Variants in MCUB observed in about 807,000 individuals in gnomAD.
The protein encoded by MCUB is mitochondrial calcium uniporter dominant negative subunit beta, also known as calcium uniporter regulatory subunit MCUb, mitochondrial.
In MCUB, 46 loss-of-function variants were observed where a neutral mutation model predicts 41.4. The ratio of observed to expected loss-of-function variants is 1.11; its 90% CI spans 0.88 to 1.42. The LOEUF is 1.42. Among genes scored for constraint, MCUB ranks in the 40% most tolerant of loss-of-function variants. The probability of loss-of-function intolerance (pLI) is 0.00; values close to 1 mark genes in which losing one functional copy is unlikely to be tolerated. For missense variants in MCUB, 403 were observed against 404.9 expected, an observed-to-expected ratio of 1.00 and a Z score of 0.04; for synonymous variants, 148 against 148.2, an observed-to-expected ratio of 1.00 and a Z score of 0.01.
intron 1 of MCUB, among the ~76,000 whole-genome samples, chr4:109,601,606 G>C (rs1055338602): frequency 9.9e-5 from 15 of 152,004 alleles, no homozygotes; most frequent in African/African-American, 3.6e-4. Context: ...GTTCTGCTGT[G>C]TATATATACC....
intron 1 of MCUB, among the ~76,000 whole-genome samples, chr4:109,615,131 CT>C (rs1465503490): frequency 6.6e-6 from 1 of 152,160 alleles, no homozygotes; most frequent in Non-Finnish European, 1.5e-5. Context: ...TCTTTTCCCC[CT>C]GGAAGGAACT....
chr4:109,566,477 A>T (rs57468441), intron 1 of MCUB, among the ~76,000 whole-genome samples: 1 of 147,790 alleles, frequency 6.8e-6, no homozygotes, highest in Non-Finnish European at 1.5e-5. Context: ...CTCAAAAAAA[A>T]AAAAATAAAT....
At chr4:109,618,023 T>C (rs1728167963) in intron 1 of MCUB, among the ~76,000 whole-genome samples, 1 of 152,202 alleles carries the variant, frequency 6.6e-6, no homozygotes, top group Non-Finnish European at 1.5e-5. Flanking sequence ...CACCTCTGAT[T>C]TCATTTGTAA....
intron 1 of MCUB, among the ~76,000 whole-genome samples, chr4:109,603,965 GAA>G (rs1478450300): frequency 2.0e-5 from 3 of 152,208 alleles, no homozygotes; most frequent in Non-Finnish European, 4.4e-5. Flanking sequence ...GTGGGGAAAA[GAA>G]AGAGAGATCA....
chr4:109,567,552 T>G (rs1726811341), intron 1 of MCUB, among the ~76,000 whole-genome samples: 17 of 135,774 alleles, frequency 1.3e-4, no homozygotes, highest in Admixed American at 4.0e-4. Flanking sequence ...CACGTGCCTG[T>G]AATCCCACCA....
intron 1 of MCUB, among the ~76,000 whole-genome samples, chr4:109,599,740 C>T (rs796617280): frequency 9.9e-5 from 15 of 152,130 alleles, no homozygotes; most frequent in African/African-American, 3.4e-4. Context: ...ACAATCTTGG[C>T]TCACTGCAAC....
intron 1 of MCUB, among the ~76,000 whole-genome samples, chr4:109,597,580 C>G (rs201772489): frequency 3.3e-5 from 3 of 91,634 alleles, no homozygotes; most frequent in Non-Finnish European, 5.0e-5. Flanking sequence ...CCAGTAGGGG[C>G]GGCCGGGCAG....
intron 3 of MCUB, among the ~76,000 whole-genome samples, chr4:109,660,808 C>G (rs989436733): frequency 2.0e-5 from 3 of 150,926 alleles, no homozygotes; most frequent in Non-Finnish European, 4.4e-5. Context: ...AGGAGTGAAA[C>G]TCCATCCCAA....
chr4:109,654,996 C>A (rs1729058211), intron 1 of MCUB, among the ~76,000 whole-genome samples: 1 of 152,136 alleles, frequency 6.6e-6, no homozygotes, highest in Non-Finnish European at 1.5e-5. Flanking sequence ...ACTTAAGATG[C>A]CAATTATAAG....
intron 1 of MCUB, among the ~76,000 whole-genome samples, chr4:109,578,682 A>AT (rs1045976735): frequency 4.0e-5 from 6 of 151,892 alleles, no homozygotes; most frequent in African/African-American, 1.5e-4. Context: ...CTTTTTTTAA[A>AT]TTTTTTGTAG....
At chr4:109,633,898 A>T (rs931154945) in intron 1 of MCUB, among the ~76,000 whole-genome samples, 7 of 141,498 alleles carry the variant, frequency 4.9e-5, no homozygotes, top group Admixed American at 3.8e-4. Context: ...GCCCATGTAC[A>T]GCTTTTCTTC....
intron 1 of MCUB, among the ~76,000 whole-genome samples, chr4:109,607,109 C>T (rs953622513): frequency 2.6e-5 from 4 of 152,156 alleles, no homozygotes; most frequent in African/African-American, 9.7e-5. Context: ...GAATAGTCTA[C>T]ACCACACAAT....
chr4:109,643,526 C>T (rs1248022397), intron 1 of MCUB, among the ~76,000 whole-genome samples: 1 of 146,614 alleles, frequency 6.8e-6, no homozygotes, highest in Non-Finnish European at 1.5e-5. Context: ...ATTTTTGAGA[C>T]AGAGTTCCAC....
chr4:109,652,711 T>C (rs1728988319), intron 1 of MCUB, among the ~76,000 whole-genome samples: 1 of 152,178 alleles, frequency 6.6e-6, no homozygotes, highest in Admixed American at 6.5e-5. Flanking sequence ...CCCAGCACCG[T>C]TGCATTGGGC....
At chr4:109,616,976 A>G (rs1728139213) in intron 1 of MCUB, among the ~76,000 whole-genome samples, 1 of 152,206 alleles carries the variant, frequency 6.6e-6, no homozygotes. Context: ...TCAGTTGGCC[A>G]GAGTCTGAAT....
intron 1 of MCUB, among the ~76,000 whole-genome samples, chr4:109,647,319 A>C (rs1261686416): frequency 2.0e-5 from 3 of 152,142 alleles, no homozygotes; most frequent in Admixed American, 6.5e-5. Flanking sequence ...CTGCCCTAAA[A>C]ATCCTCTGTG....
chr4:109,679,851 G>T (rs1434342744), intron 4 of MCUB, among the ~76,000 whole-genome samples: 2 of 152,014 alleles, frequency 1.3e-5, no homozygotes, highest in East Asian at 3.9e-4. Context: ...ACCCAGGCTG[G>T]AGTGCAGTGG....
At chr4:109,657,752 A>G (rs1168661970) in intron 1 of MCUB, among the ~76,000 whole-genome samples, 1 of 152,262 alleles carries the variant, frequency 6.6e-6, no homozygotes, top group Non-Finnish European at 1.5e-5. Context: ...ATTAAGCACC[A>G]GTGCAATTGT....
chr4:109,606,595 G>A (rs563741324), intron 1 of MCUB, among the ~76,000 whole-genome samples: 1 of 151,930 alleles, frequency 6.6e-6, no homozygotes, highest in Non-Finnish European at 1.5e-5. Flanking sequence ...ATTTTAAACT[G>A]GTGACAACTT....
Sources: gnomAD v4.1 joint callset for allele counts (sites outside exome capture counted in the v4.1 genomes callset) on GRCh38, gnomAD v4.1.1 for gene constraint, MANE v1.5 for transcripts, NCBI Gene and HGNC (gene_info 2026-07-23, HGNC 2026-07-21) for gene names.